The following TNKS variants were observed in gnomAD, a reference collection of about 807,000 sequenced individuals.
TNKS encodes the protein tankyrase.
In TNKS, 72 loss-of-function variants were observed where a neutral mutation model predicts 135.8. That is an observed-to-expected ratio of 0.53 (90% CI 0.44 to 0.64). The LOEUF is 0.64. TNKS is among the 30% of genes least tolerant of loss of function. The pLI, the probability that TNKS is intolerant of heterozygous loss-of-function variation, is 0.00. For synonymous variants in TNKS, 849 were observed against 649.3 expected, an observed-to-expected ratio of 1.31 and a Z score of -4.68; for missense variants, 1,769 against 1,674.0, an observed-to-expected ratio of 1.06 and a Z score of -0.99.
chr8:9,595,412 A>G (rs866224820), intron 2 of TNKS, among the ~76,000 whole-genome samples: 1 of 152,110 alleles, frequency 6.6e-6, no homozygotes, highest in Non-Finnish European at 1.5e-5. Flanking sequence ...ATCTCCGCTG[A>G]CACTGAGTAC....
intron 3 of TNKS, among the ~76,000 whole-genome samples, chr8:9,638,217 C>G (rs144318936): frequency 2.0e-3 from 309 of 152,330 alleles, no homozygotes; most frequent in African/African-American, 7.1e-3. Context: ...TTAAGAGATC[C>G]TATCACCGCA....
intron 7 of TNKS, 82 bp from the exon 8 acceptor site, chr8:9,706,729 T>G: frequency 7.4e-7 from 1 of 1,345,776 alleles, no homozygotes; most frequent in South Asian, 1.4e-5. Flanking sequence ...AACTGAAATT[T>G]ACAAAGAAAT....
chr8:9,768,719 C>T (rs1386972579), intron 25 of TNKS, among the ~76,000 whole-genome samples: 1 of 152,214 alleles, frequency 6.6e-6, no homozygotes, highest in East Asian at 1.9e-4. Context: ...CAGAATCTAA[C>T]GACAACATAG....
In TNKS at chr8:9,672,721, A is replaced by AAC. The variant is rs1554466627; in HGVS notation, c.995-7229_995-7228insCA. On this transcript the variant is annotated intron_variant, in intron 3 of 26. Coordinates refer to ENST00000310430, the MANE Select transcript of TNKS (RefSeq NM_003747.3). ...ACACACACACACACACAAAAAAAAA[A>AAC]AAACAAACTAATATCCCACTTCCCC... 1.0e-3 allele frequency among the ~76,000 whole-genome samples: 155 copies of AAC among 147,698 alleles called. 2 individuals carry two copies. Among genetic ancestry groups the AAC allele is most frequent in the African/African-American group, 3.0e-3 (119 of 39,358 alleles).
chr8:9,708,535 A>T, intron 9 of TNKS, 43 bp downstream of exon 9: 1 of 1,460,024 alleles, frequency 6.8e-7, no homozygotes, highest in Non-Finnish European at 9.1e-7. Flanking sequence ...CTATAATAAT[A>T]ACGTAAGCAC....
chr8:9,628,817 C>G lies in TNKS; in HGVS notation c.994+13140C>G, dbSNP rs1042648802. Among the ~76,000 whole-genome samples the G allele has an allele frequency of 2.0e-5, 3 of 152,186 alleles. No homozygotes were observed. In the East Asian group the frequency reaches 5.8e-4, roughly 29 times the overall value. ...AGTTGTCTGGATGTCTCAACCTTAA[C>G]ATGGCCAACACAGAATTCTTTATCT... is the stretch of plus-strand genomic sequence containing the variant. On this transcript the variant is annotated intron_variant, in intron 3 of 26. Coordinates refer to ENST00000310430, the MANE Select transcript of TNKS (RefSeq NM_003747.3).
At chr8:9,723,555 CAA>C (rs1805011950) in intron 12 of TNKS, among the ~76,000 whole-genome samples, 1 of 152,120 alleles carries the variant, frequency 6.6e-6, no homozygotes, top group African/African-American at 2.4e-5. Context: ...GTAAAGAAAA[CAA>C]GAGAAGCAGC....
At chr8:9,582,822 G>C (rs534866654) in intron 2 of TNKS, among the ~76,000 whole-genome samples, 29 of 152,044 alleles carry the variant, frequency 1.9e-4, no homozygotes, top group Non-Finnish European at 3.7e-4. Flanking sequence ...GCTCCTGTGT[G>C]GTACAGAATT....
At chr8:9,745,610 G>A (rs1490309310) in intron 17 of TNKS, among the ~76,000 whole-genome samples, 1 of 152,058 alleles carries the variant, frequency 6.6e-6, no homozygotes, top group Non-Finnish European at 1.5e-5. Flanking sequence ...TCGCCATGTT[G>A]GCCAGGATGG....
intron 20 of TNKS, among the ~76,000 whole-genome samples, chr8:9,761,250 G>C (rs1293718214): frequency 2.0e-5 from 3 of 152,150 alleles, no homozygotes; most frequent in Non-Finnish European, 4.4e-5. Flanking sequence ...GAAATATAGT[G>C]ATGATCATTT....
intron 12 of TNKS, among the ~76,000 whole-genome samples, chr8:9,724,702 A>G (rs1021383644): frequency 3.3e-5 from 5 of 152,288 alleles, no homozygotes; most frequent in South Asian, 2.1e-4. Context: ...GGTCTCTACA[A>G]TCTGGATAGT....
At position 9,781,732 on chromosome 8, in the gene TNKS, G is replaced by A. The variant is rs749758758; in HGVS notation, c.*4996G>A. ...ATGTTGCCTGGCAACAGCACTCGGA[G>A]TAGTAATTGTGTTTTCTCATTGTGA... On this transcript the variant is annotated 3_prime_UTR_variant, in exon 27 of 27. Transcript: ENST00000310430. 10 of 152,632 alleles carry A rather than the reference G, an allele frequency of 6.6e-5. No individual in the cohort carries two copies. Among genetic ancestry groups the A allele is most frequent in the Non-Finnish European group, 1.0e-4 (7 of 68,044 alleles). The allele number at this position is 152,632 out of a possible 1,614,324, so 9.5% of individuals were successfully genotyped here.
chr8:9,614,640 A>G (rs1799573529), intron 2 of TNKS, among the ~76,000 whole-genome samples: 1 of 152,152 alleles, frequency 6.6e-6, no homozygotes, highest in African/African-American at 2.4e-5. Flanking sequence ...AAAATTTGGG[A>G]CTCATCAACG....
chr8:9,741,403 T>A (rs1805953580), intron 17 of TNKS, among the ~76,000 whole-genome samples: 1 of 152,134 alleles, frequency 6.6e-6, no homozygotes, highest in Non-Finnish European at 1.5e-5. Flanking sequence ...CTACAGTAGA[T>A]CCCATACATT....
chr8:9,752,414 C>T, intron 19 of TNKS, 130 bp from the exon 20 acceptor site: 1 of 618,998 alleles, frequency 1.6e-6, no homozygotes, highest in Non-Finnish European at 2.8e-6. Context: ...TCTGTGTATT[C>T]TGTATTATTT....
intron 16 of TNKS, 59 bp from the exon 17 acceptor site, chr8:9,735,314 ATATG>A: frequency 1.4e-6 from 2 of 1,436,248 alleles, no homozygotes; most frequent in South Asian, 1.2e-5. Flanking sequence ...TCCTTATTAC[ATATG>A]TATGTATTTT....
chr8:9,763,501 A>T (rs1807258243), intron 22 of TNKS, among the ~76,000 whole-genome samples: 1 of 152,218 alleles, frequency 6.6e-6, no homozygotes, highest in Non-Finnish European at 1.5e-5. Flanking sequence ...CTCATGCAAA[A>T]TAAATAAGGA....
chr8:9,618,707 G>A (rs1202172695), intron 3 of TNKS, among the ~76,000 whole-genome samples: 1 of 152,032 alleles, frequency 6.6e-6, no homozygotes, highest in Non-Finnish European at 1.5e-5. Context: ...CTTTCTGATT[G>A]TAAAAGAAAT....
At chr8:9,576,216 G>T (rs542483583) in intron 1 of TNKS, among the ~76,000 whole-genome samples, 9 of 152,126 alleles carry the variant, frequency 5.9e-5, no homozygotes, top group Admixed American at 1.3e-4. Context: ...GCAAAATTGA[G>T]TCTGAGCAAA....
Sources: gnomAD v4.1 joint callset for allele counts (sites outside exome capture counted in the v4.1 genomes callset) on GRCh38, gnomAD v4.1.1 for gene constraint, MANE v1.5 for transcripts, NCBI Gene and HGNC (gene_info 2026-07-23, HGNC 2026-07-21) for gene names.